The following AGPAT4 variants were observed in gnomAD, a reference collection of about 807,000 sequenced individuals.
AGPAT4 encodes 1-acyl-sn-glycerol-3-phosphate acyltransferase delta.
AGPAT4 carries 15 observed loss-of-function variants against 48.0 expected under a neutral mutation model. The observed-to-expected ratio is 0.31, with a 90% CI of 0.21 to 0.48. The LOEUF is 0.48. Among genes scored for constraint, AGPAT4 ranks in the 20% least tolerant of loss-of-function variants. AGPAT4 has a pLI of 0.99. For missense variants in AGPAT4, 314 were observed against 482.5 expected, an observed-to-expected ratio of 0.65 and a Z score of 3.27; for synonymous variants, 178 against 198.7, an observed-to-expected ratio of 0.90 and a Z score of 0.88.
In AGPAT4 at chr6:161,142,691, A is replaced by C. The variant is rs1779292891; in HGVS notation, c.844-3071T>G. Among the ~76,000 whole-genome samples, 1 of 152,210 alleles carries C rather than the reference A, an allele frequency of 6.6e-6. No homozygotes were observed. Among genetic ancestry groups the C allele is most frequent in the Non-Finnish European group, 1.5e-5 (1 of 68,040 alleles). On this transcript the variant is annotated intron_variant, in intron 7 of 8. Coordinates refer to ENST00000320285, the MANE Select transcript of AGPAT4 (RefSeq NM_020133.3). This position sits in a 1 kb window ranked among gnomAD's most constrained non-coding sequence, Gnocchi z 6.4. Reference sequence around the variant, plus strand: ...GGAAGAACAGGAAAGAACGAAGAATAGAAGAGAAAGTTGAGGAACAGAGAG... The same window carrying C: ...GGAAGAACAGGAAAGAACGAAGAATCGAAGAGAAAGTTGAGGAACAGAGAG...
intron 2 of AGPAT4, among the ~76,000 whole-genome samples, chr6:161,170,483 A>G (rs910720033): frequency 1.4e-4 from 18 of 124,406 alleles, no homozygotes; most frequent in Non-Finnish European, 2.1e-4. Context: ...GCACACACAC[A>G]CACACACACA....
Position 161,242,897 on chromosome 6 carries a change from G to A in AGPAT4, c.-89-10595C>T, listed in dbSNP as rs907005734. On this transcript the variant is annotated intron_variant, in intron 1 of 8. Coordinates refer to ENST00000320285, the MANE Select transcript of AGPAT4 (RefSeq NM_020133.3). This position sits in a 1 kb window ranked among gnomAD's most constrained non-coding sequence, Gnocchi z 5.0. ...AGCCTGGCCAACATAGTGAAACCCC[G>A]TCTCTACTAAGAACACAAAAATTAG... Among the ~76,000 whole-genome samples the A allele has an allele frequency of 2.0e-5, 3 of 151,930 alleles. No individual in the cohort carries two copies. The highest frequency in any genetic ancestry group is 4.8e-5 in the African/African-American group (2 of 41,334).
rs903956980 is a variant in AGPAT4, at chr6:161,249,571, T to A, written c.-89-17269A>T. Among the ~76,000 whole-genome samples the A allele has an allele frequency of 6.6e-6, 1 of 152,048 alleles. No homozygotes were observed. Among genetic ancestry groups the A allele is most frequent in the Non-Finnish European group, 1.5e-5 (1 of 68,012 alleles). On this transcript the variant is annotated intron_variant, in intron 1 of 8. Transcript: ENST00000320285. This position sits in a 1 kb window ranked among gnomAD's most constrained non-coding sequence, Gnocchi z 6.2. ...CAAACACATGAAAAAAAGCTCAACA[T>A]CATGATCATTAGAGAAATGCAAATC...
In AGPAT4 at chr6:161,244,657, G is replaced by C. The variant is rs1782601116; in HGVS notation, c.-89-12355C>G. ...GATAATAATACTGAACCACCAAACA[G>C]AGATAGCGAACTGCATTCTCTGACA... On this transcript the variant is annotated intron_variant, in intron 1 of 8. Transcript: ENST00000320285. This position sits in a 1 kb window ranked among gnomAD's most constrained non-coding sequence, Gnocchi z 4.7. 6.6e-6 allele frequency among the ~76,000 whole-genome samples: 1 copy of C among 152,164 alleles called. No homozygotes were observed. Among genetic ancestry groups the C allele is most frequent in the African/African-American group, 2.4e-5 (1 of 41,440 alleles).
rs1371153074 is a variant in AGPAT4 at position 161,251,308 on chromosome 6, A to G, written c.-89-19006T>C. 6.6e-6 allele frequency among the ~76,000 whole-genome samples: 1 copy of G among 152,194 alleles called. No homozygotes were observed. Among genetic ancestry groups the G allele is most frequent in the African/African-American group, 2.4e-5 (1 of 41,450 alleles). ...TTGTTGAAAGATCCTTCTCTACCTC[A>G]TTGATTCCCATGCAGTCTCTCCTAC... is the stretch of plus-strand genomic sequence containing the variant. On this transcript the variant is annotated intron_variant, in intron 1 of 8. Transcript: ENST00000320285. The surrounding 1 kb of genome is among the most constrained non-coding windows in gnomAD (Gnocchi z 4.6).
In AGPAT4 at chr6:161,189,408, T is replaced by C. The variant is rs889171871; in HGVS notation, c.179-22991A>G. On this transcript the variant is annotated intron_variant, in intron 2 of 8. Coordinates refer to ENST00000320285, the MANE Select transcript of AGPAT4 (RefSeq NM_020133.3). This position sits in a 1 kb window ranked among gnomAD's most constrained non-coding sequence, Gnocchi z 5.3. The stretch of plus-strand genomic sequence containing the variant: ...AGGAGCAGGGAAGAGGAGGAAGGCA[T>C]TGAGGAATCGGGGTGAAGAGAGAAC... Among the ~76,000 whole-genome samples, 89 of 152,236 alleles carry C rather than the reference T, an allele frequency of 5.8e-4. No individual in the cohort carries two copies. The highest frequency in any genetic ancestry group is 2.9e-4 in the Non-Finnish European group (20 of 68,030).
chr6:161,258,503 A>G (rs2114745510), intron 1 of AGPAT4, among the ~76,000 whole-genome samples: 1 of 152,310 alleles, frequency 6.6e-6, no homozygotes, highest in East Asian at 1.9e-4. Flanking sequence ...AAGACAAGCA[A>G]AATACAGAAA....
chr6:161,197,571 C>T lies in AGPAT4; in HGVS notation c.179-31154G>A, dbSNP rs1781104039. ...TGTACCGACTGATGTACGCATTACT[C>T]CTGGGGCTCATGTTTTCCTCTCCTG... On this transcript the variant is annotated intron_variant, in intron 2 of 8. Coordinates refer to ENST00000320285, the MANE Select transcript of AGPAT4 (RefSeq NM_020133.3). This position sits in a 1 kb window ranked among gnomAD's most constrained non-coding sequence, Gnocchi z 5.7. 6.6e-6 allele frequency among the ~76,000 whole-genome samples: 1 copy of T among 152,184 alleles called. No individual in the cohort carries two copies. Among genetic ancestry groups the T allele is most frequent in the Admixed American group, 6.5e-5 (1 of 15,278 alleles).
intron 1 of AGPAT4, among the ~76,000 whole-genome samples, chr6:161,260,888 C>CA (rs1443392777): frequency 1.3e-5 from 2 of 150,768 alleles, no homozygotes; most frequent in African/African-American, 4.9e-5. Flanking sequence ...GAGCCTGTCT[C>CA]AAAAAAAAGA....
In AGPAT4 at chr6:161,218,091, T is replaced by C. The variant is rs1258215685; in HGVS notation, c.178+13945A>G. Among the ~76,000 whole-genome samples the C allele has an allele frequency of 6.6e-6, 1 of 152,232 alleles. No individual in the cohort carries two copies. The highest frequency in any genetic ancestry group is 1.5e-5 in the Non-Finnish European group (1 of 68,044). On this transcript the variant is annotated intron_variant, in intron 2 of 8. Coordinates refer to ENST00000320285, the MANE Select transcript of AGPAT4 (RefSeq NM_020133.3). The surrounding 1 kb of genome is among the most constrained non-coding windows in gnomAD (Gnocchi z 4.7). The stretch of plus-strand genomic sequence containing the variant: ...TGTGTCTGATGAGTTGGTGCCTTGT[T>C]CTTCTGGCAAGAGAACCACATGCCC...
chr6:161,177,154 C>T lies in AGPAT4; in HGVS notation c.179-10737G>A, dbSNP rs6940155. ...CTCTTCTCGAGGAGTATCTTTGTGG[C>T]GTTCTCTGTATTTCCTGAATTTGAA... On this transcript the variant is annotated intron_variant, in intron 2 of 8. Coordinates refer to ENST00000320285, the MANE Select transcript of AGPAT4 (RefSeq NM_020133.3). This position sits in a 1 kb window ranked among gnomAD's most constrained non-coding sequence, Gnocchi z 5.0. 0.059 allele frequency among the ~76,000 whole-genome samples: 8,917 copies of T among 152,004 alleles called. 847 individuals are homozygous for T. The highest frequency in any genetic ancestry group is 0.2 in the African/African-American group (8,400 of 41,434).
In AGPAT4 at chr6:161,146,758, C is replaced by T. The variant is rs1389255458; in HGVS notation, c.768-159G>A. The stretch of plus-strand genomic sequence containing the variant: ...AGTGATAGAAAGAAGGGGCGTTCCA[C>T]ATCCACACTGGAGAAACAGGCAAAA... On this transcript the variant is annotated intron_variant, in intron 6 of 8. Transcript: ENST00000320285. The surrounding 1 kb of genome is among the most constrained non-coding windows in gnomAD (Gnocchi z 7.1). Among the ~76,000 whole-genome samples, 1 of 152,180 alleles carries T rather than the reference C, an allele frequency of 6.6e-6. No homozygotes were observed. The highest frequency in any genetic ancestry group is 1.5e-5 in the Non-Finnish European group (1 of 68,026).
intron 2 of AGPAT4, among the ~76,000 whole-genome samples, chr6:161,167,079 T>C (rs370437618): frequency 1.1e-4 from 16 of 152,312 alleles, no homozygotes; most frequent in African/African-American, 3.8e-4. Context: ...AGGGAACCTA[T>C]TCCCAATCTG....
rs1779194153 is a variant in AGPAT4, at chr6:161,139,853, TG to T, written c.844-234del. 6.6e-6 allele frequency among the ~76,000 whole-genome samples: 1 copy of T among 152,212 alleles called. No homozygotes were observed. The highest frequency in any genetic ancestry group is 6.5e-5 in the Admixed American group (1 of 15,282). On this transcript the variant is annotated intron_variant, in intron 7 of 8. Coordinates refer to ENST00000320285, the MANE Select transcript of AGPAT4 (RefSeq NM_020133.3). This position sits in a 1 kb window ranked among gnomAD's most constrained non-coding sequence, Gnocchi z 9.1. The stretch of plus-strand genomic sequence containing the variant: ...CTGGGAGTGGTGGGGCCGCTGCAGC[TG>T]TCACTGAGTGCAGGGCGTGGAGCAT...
In AGPAT4 at chr6:161,184,360, C is replaced by T. The variant is rs752538576; in HGVS notation, c.179-17943G>A. 1.3e-5 allele frequency among the ~76,000 whole-genome samples: 2 copies of T among 152,068 alleles called. No individual in the cohort carries two copies. Among genetic ancestry groups the T allele is most frequent in the Middle Eastern group, 3.4e-3 (1 of 294 alleles). On this transcript the variant is annotated intron_variant, in intron 2 of 8. Transcript: ENST00000320285. The surrounding 1 kb of genome is among the most constrained non-coding windows in gnomAD (Gnocchi z 4.8). ...GACAGAGGAGAATTCAGGAGTGAAGCTAAGGTTTTTGTCCTGAATAGCTGG... is the reference window on the plus strand; with the variant it reads ...GACAGAGGAGAATTCAGGAGTGAAGTTAAGGTTTTTGTCCTGAATAGCTGG...
rs1781607828 is a variant in AGPAT4, at chr6:161,215,031, T to G, written c.178+17005A>C. On this transcript the variant is annotated intron_variant, in intron 2 of 8. Coordinates refer to ENST00000320285, the MANE Select transcript of AGPAT4 (RefSeq NM_020133.3). This position sits in a 1 kb window ranked among gnomAD's most constrained non-coding sequence, Gnocchi z 4.5. ...CATATCCAGCTTCATACTAACAATTTTTTCTTTGGTAGGACTACAAGCTAT... is the reference window on the plus strand; with the variant it reads ...CATATCCAGCTTCATACTAACAATTGTTTCTTTGGTAGGACTACAAGCTAT... Among the ~76,000 whole-genome samples, 1 of 152,166 alleles carries G rather than the reference T, an allele frequency of 6.6e-6. No individual in the cohort carries two copies. Among genetic ancestry groups the G allele is most frequent in the South Asian group, 2.1e-4 (1 of 4,832 alleles).
rs1483806030 is a variant in AGPAT4 at position 161,262,641 on chromosome 6, G to T, written c.-90+11297C>A. ...GTTCTCCCCTTCTGACCCACTGCAA[G>T]CTCTACCCCACTTCTTCCTTTGCTC... is the stretch of plus-strand genomic sequence containing the variant. On this transcript the variant is annotated intron_variant, in intron 1 of 8. Coordinates refer to ENST00000320285, the MANE Select transcript of AGPAT4 (RefSeq NM_020133.3). This position sits in a 1 kb window ranked among gnomAD's most constrained non-coding sequence, Gnocchi z 4.9. 1.3e-5 allele frequency among the ~76,000 whole-genome samples: 2 copies of T among 152,160 alleles called. No individual in the cohort carries two copies. The highest frequency in any genetic ancestry group is 4.8e-5 in the African/African-American group (2 of 41,430).
chr6:161,183,135 A>G (rs866686115), intron 2 of AGPAT4, among the ~76,000 whole-genome samples: 2 of 152,186 alleles, frequency 1.3e-5, no homozygotes, highest in South Asian at 2.1e-4. Context: ...AGAGCAGTCC[A>G]AGACCATGAA....
chr6:161,247,207 A>G (rs1212038735), intron 1 of AGPAT4, among the ~76,000 whole-genome samples: 1 of 152,244 alleles, frequency 6.6e-6, no homozygotes, highest in Non-Finnish European at 1.5e-5. Context: ...AAAACAAAGA[A>G]TCTTCTGTTA....
Sources: allele counts gnomAD v4.1 joint callset (sites outside exome capture counted in the v4.1 genomes callset), GRCh38; gene constraint gnomAD v4.1.1; non-coding constraint Gnocchi (gnomAD v3.1); transcripts MANE v1.5; gene names NCBI Gene and HGNC (gene_info 2026-07-23, HGNC 2026-07-21).